KNTC1: variants seen among roughly 807,000 people sequenced by gnomAD.
KNTC1 encodes kinetochore-associated protein 1.
Under a neutral mutation model 314.4 loss-of-function variants are expected in KNTC1, and 253 were observed. That is an observed-to-expected ratio of 0.80 (90% confidence interval 0.73 to 0.89). The LOEUF (loss-of-function observed/expected upper bound fraction) is 0.89, where lower values mean the gene tolerates loss of function less well. KNTC1 is among the 40% of genes least tolerant of loss of function. The probability of loss-of-function intolerance (pLI) is 0.00; values close to 1 mark genes in which losing one functional copy is unlikely to be tolerated. For missense variants in KNTC1, 2,475 were observed against 2,572.9 expected (o/e 0.96, Z 0.82); for synonymous variants, 901 against 901.4 (o/e 1.00, Z 0.01).
chr12:122,586,216 G>A (rs549717702), intron 37 of KNTC1, among the ~76,000 whole-genome samples: 53 of 152,296 alleles, frequency 3.5e-4, no homozygotes, highest in African/African-American at 1.2e-3. Context: ...CCAGGTAGCT[G>A]GAATTACAGG....
intron 57 of KNTC1, among the ~76,000 whole-genome samples, chr12:122,616,106 A>G (rs1873736503): frequency 6.6e-6 from 1 of 152,118 alleles, no homozygotes; most frequent in African/African-American, 2.4e-5. Flanking sequence ...ATCATAATAT[A>G]TATTACGCAG....
At chr12:122,560,926 G>A (rs986275687) in intron 18 of KNTC1, among the ~76,000 whole-genome samples, 69 of 152,176 alleles carry the variant, frequency 4.5e-4, no homozygotes, top group African/African-American at 1.6e-3. Flanking sequence ...CACAGTGGCT[G>A]TAATCCCTCC....
intron 18 of KNTC1, among the ~76,000 whole-genome samples, chr12:122,560,344 C>T (rs1224236779): frequency 6.6e-6 from 1 of 151,830 alleles, no homozygotes; most frequent in Non-Finnish European, 1.5e-5. Flanking sequence ...GAGCATATAC[C>T]CAGAAGTGGA....
intron 7 of KNTC1, among the ~76,000 whole-genome samples, 187 bp downstream of exon 7, chr12:122,543,821 G>T (rs1012641087): frequency 6.6e-6 from 1 of 151,884 alleles, no homozygotes; most frequent in African/African-American, 2.4e-5. Context: ...GAGGCCAAGG[G>T]GGCGGATCAC....
chr12:122,536,252 T>C (rs1299833746), intron 3 of KNTC1, among the ~76,000 whole-genome samples: 1 of 149,962 alleles, frequency 6.7e-6, no homozygotes, highest in East Asian at 2.0e-4. Context: ...TTTTGAGATG[T>C]AGTCTCGCAC....
At position 122,551,602 on chromosome 12, in the gene KNTC1, T is replaced by C. The variant is rs1189394876; in HGVS notation, c.1197-19T>C. The C allele has an allele frequency of 6.2e-7, 1 of 1,611,998 alleles. No homozygotes were observed. Among genetic ancestry groups the C allele is most frequent in the East Asian group, 2.2e-5 (1 of 44,850 alleles). On this transcript the variant is annotated intron_variant, in intron 15 of 63. Transcript: ENST00000333479. ...CTGAATAATAAGCATTTAACAAAAT[T>C]TCTCTTCCAACTTAACAGATTGAGT...
chr12:122,611,552 T>C (rs1471185727), intron 53 of KNTC1: 2 of 152,364 alleles, frequency 1.3e-5, no homozygotes, highest in Non-Finnish European at 2.9e-5. Context: ...GAAAGGTGGC[T>C]AGTGCAGCTC....
intron 20 of KNTC1, among the ~76,000 whole-genome samples, chr12:122,565,055 A>G (rs564402104): frequency 2.6e-5 from 4 of 152,226 alleles, no homozygotes; most frequent in Admixed American, 2.0e-4. Flanking sequence ...TTTCTCACTC[A>G]TTCACCAACA....
intron 18 of KNTC1, among the ~76,000 whole-genome samples, chr12:122,560,788 T>G (rs1005080540): frequency 5.3e-5 from 8 of 152,182 alleles, no homozygotes; most frequent in Admixed American, 3.3e-4. Context: ...GCTAACACTT[T>G]TTGTTTTTGA....
chr12:122,545,542 C>T (rs1347230513), intron 8 of KNTC1, among the ~76,000 whole-genome samples: 1 of 152,018 alleles, frequency 6.6e-6, no homozygotes, highest in Non-Finnish European at 1.5e-5. Context: ...TTCCAAATAT[C>T]TGTGGTATTT....
intron 35 of KNTC1, 68 bp from the exon 36 acceptor site, chr12:122,584,825 A>C: frequency 1.2e-6 from 1 of 809,508 alleles, no homozygotes; most frequent in Admixed American, 2.6e-5. Context: ...GTAATTATTA[A>C]AAGGTTGTTT....
Position 122,609,371 on chromosome 12 carries a change from T to G in KNTC1, c.5497-13T>G. On this transcript the variant is annotated splice_polypyrimidine_tract_variant and intron_variant, in intron 51 of 63. Coordinates refer to ENST00000333479, the MANE Select transcript of KNTC1 (RefSeq NM_014708.6). ...TTTTCAGTTTTTGACCTTTTTTTCC[T>G]ACCTTTTCAAAGAAACCATCAGAAT... The G allele has an allele frequency of 6.4e-7, 1 of 1,553,906 alleles. No individual in the cohort carries two copies. Among genetic ancestry groups the G allele is most frequent in the Non-Finnish European group, 8.8e-7 (1 of 1,142,414 alleles).
At chr12:122,567,722 C>T (rs991670386) in intron 20 of KNTC1, among the ~76,000 whole-genome samples, 3 of 152,194 alleles carry the variant, frequency 2.0e-5, no homozygotes, top group East Asian at 3.9e-4. Context: ...CCTGTAATCC[C>T]AGCTGCTTGG....
chr12:122,584,268 T>C lies in KNTC1; in HGVS notation c.3264-10T>C, dbSNP rs1313823825. The stretch of plus-strand genomic sequence containing the variant: ...GTATTCTAACTACCAATACTTTCTT[T>C]CTTCCAAAGCGACTTGTTTAAGTAT... On this transcript the variant is annotated splice_polypyrimidine_tract_variant and intron_variant, in intron 34 of 63. Transcript: ENST00000333479. The C allele has an allele frequency of 1.9e-6, 3 of 1,596,540 alleles. No homozygotes were observed. Among genetic ancestry groups the C allele is most frequent in the Middle Eastern group, 3.3e-4 (2 of 5,988 alleles).
In KNTC1 at chr12:122,613,780, C is replaced by A; in HGVS notation, c.5877+19C>A. Reference sequence around the variant, plus strand: ...GTCCATGGTAGGTACACCTCACTGCCCCATTCCCAATTCCCTGCCCCTACT... The same window carrying A: ...GTCCATGGTAGGTACACCTCACTGCACCATTCCCAATTCCCTGCCCCTACT... On this transcript the variant is annotated intron_variant, in intron 55 of 63. Transcript: ENST00000333479. 6.4e-7 allele frequency: 1 copy of A among 1,571,182 alleles called. No individual in the cohort carries two copies. The highest frequency in any genetic ancestry group is 8.6e-7 in the Non-Finnish European group (1 of 1,164,278).
intron 53 of KNTC1, 106 bp from the exon 54 acceptor site, chr12:122,613,006 T>C: frequency 1.4e-6 from 1 of 703,468 alleles, no homozygotes. Context: ...GAGATTGACT[T>C]TACATTTTAA....
intron 59 of KNTC1, among the ~76,000 whole-genome samples, chr12:122,619,555 G>C (rs1874181898): frequency 6.6e-6 from 1 of 152,052 alleles, no homozygotes. Flanking sequence ...TGGGACTACA[G>C]GCGCCCACCA....
intron 53 of KNTC1, 65 bp from the exon 54 acceptor site, chr12:122,613,047 G>T: frequency 1.2e-6 from 1 of 827,338 alleles, no homozygotes. Flanking sequence ...TGCCTATGTT[G>T]AAACTCATTT....
At chr12:122,549,920 A>G in intron 13 of KNTC1, 56 bp downstream of exon 13, 6 of 935,016 alleles carry the variant, frequency 6.4e-6, no homozygotes, top group South Asian at 5.8e-5. Context: ...TTTATCTGGT[A>G]TCTAATCAGG....
Sources: gnomAD v4.1 joint callset for allele counts (sites outside exome capture counted in the v4.1 genomes callset) on GRCh38, gnomAD v4.1.1 for gene constraint, MANE v1.5 for transcripts, NCBI Gene and HGNC (gene_info 2026-07-23, HGNC 2026-07-21) for gene names.